The following CDH12 variants were observed in gnomAD, a reference collection of about 807,000 sequenced individuals.
The protein encoded by CDH12 is cadherin-12.
Under a neutral mutation model 74.1 loss-of-function variants are expected in CDH12, and 41 were observed. The observed-to-expected ratio is 0.55, with a 90% CI of 0.43 to 0.72. CDH12 has a LOEUF of 0.72. CDH12 is among the 30% of genes least tolerant of loss of function. The probability of loss-of-function intolerance (pLI) is 0.00; values close to 1 mark genes in which losing one functional copy is unlikely to be tolerated. For synonymous variants in CDH12, 399 were observed against 355.0 expected, an observed-to-expected ratio of 1.12 and a Z score of -1.39; for missense variants, 945 against 977.2, an observed-to-expected ratio of 0.97 and a Z score of 0.44.
intron 3 of CDH12, among the ~76,000 whole-genome samples, chr5:22,250,411 A>G (rs1160434493): frequency 6.6e-6 from 1 of 152,104 alleles, no homozygotes; most frequent in Non-Finnish European, 1.5e-5. Context: ...CTGGGACCTC[A>G]GCTGGGGCTG....
intron 1 of CDH12, among the ~76,000 whole-genome samples, chr5:22,678,500 T>C (rs1741328862): frequency 6.6e-6 from 1 of 152,178 alleles, no homozygotes; most frequent in Admixed American, 6.6e-5. Context: ...TGGTATATAA[T>C]GAGAGCATTG....
chr5:22,122,457 G>A (rs1461710290), intron 4 of CDH12, among the ~76,000 whole-genome samples: 1 of 151,984 alleles, frequency 6.6e-6, no homozygotes, highest in Non-Finnish European at 1.5e-5. Context: ...TGGCTTATAA[G>A]GCCCCACAAG....
intron 3 of CDH12, among the ~76,000 whole-genome samples, chr5:22,356,972 T>A (rs948630977): frequency 6.6e-6 from 1 of 152,172 alleles, no homozygotes; most frequent in African/African-American, 2.4e-5. Context: ...ATTAGAAGAC[T>A]GGTTGAATGG....
At chr5:22,191,436 GATAAATGGTGTC>G (rs1277859071) in intron 4 of CDH12, among the ~76,000 whole-genome samples, 2 of 151,826 alleles carry the variant, frequency 1.3e-5, no homozygotes, top group Non-Finnish European at 2.9e-5. Context: ...ATTAATGAAT[GATAAATGGTGTC>G]ATATTGAAAA....
intron 6 of CDH12, among the ~76,000 whole-genome samples, chr5:21,926,224 G>A (rs143181803): frequency 4.7e-4 from 72 of 152,298 alleles, no homozygotes; most frequent in Middle Eastern, 3.4e-3. Context: ...CTGACCTTGG[G>A]ATAGTGTTGC....
intron 7 of CDH12, among the ~76,000 whole-genome samples, chr5:21,843,916 G>A (rs932028675): frequency 1.3e-5 from 2 of 152,170 alleles, no homozygotes; most frequent in Middle Eastern, 3.4e-3. Context: ...GTCTTGTCCT[G>A]TTGTTGACCG....
chr5:22,163,536 C>T (rs1002345214), intron 4 of CDH12, among the ~76,000 whole-genome samples: 1 of 152,146 alleles, frequency 6.6e-6, no homozygotes, highest in Admixed American at 6.5e-5. Flanking sequence ...TTAAGTTGTT[C>T]TTGATTTTCT....
chr5:21,847,208 C>T (rs1750221245), intron 7 of CDH12, among the ~76,000 whole-genome samples: 1 of 152,132 alleles, frequency 6.6e-6, no homozygotes, highest in Admixed American at 6.6e-5. Flanking sequence ...TGCAGCCTTG[C>T]ACACTGTCTT....
rs544504127 is a variant in CDH12 at position 22,800,081 on chromosome 5, G to T, written c.-523+52977C>A. On this transcript the variant is annotated intron_variant, in intron 1 of 14. Coordinates refer to ENST00000382254, the MANE Select transcript of CDH12 (RefSeq NM_004061.5). ...AAAATGGTTTAGTAGCCACTGAGGA[G>T]GTAGTAGTTAATTCAACTGAGAGTA... 6.6e-5 allele frequency among the ~76,000 whole-genome samples: 10 copies of T among 152,274 alleles called. No individual in the cohort carries two copies. In the South Asian group the frequency reaches 2.1e-3, roughly 32 times the overall value.
intron 4 of CDH12, among the ~76,000 whole-genome samples, chr5:22,137,817 C>T (rs1191795638): frequency 1.3e-5 from 2 of 152,060 alleles, no homozygotes; most frequent in African/African-American, 4.8e-5. Context: ...CATGGACCAG[C>T]AATAAACTGT....
chr5:21,859,958 G>A (rs1750947484), intron 6 of CDH12, among the ~76,000 whole-genome samples: 1 of 151,816 alleles, frequency 6.6e-6, no homozygotes, highest in Non-Finnish European at 1.5e-5. Flanking sequence ...ACCCAATCCA[G>A]GCAGACACAA....
chr5:22,226,255 A>G (rs1442949961), intron 3 of CDH12, among the ~76,000 whole-genome samples: 1 of 152,000 alleles, frequency 6.6e-6, no homozygotes, highest in Non-Finnish European at 1.5e-5. Context: ...CCCTTGGATG[A>G]CAGCAAAGGA....
intron 1 of CDH12, among the ~76,000 whole-genome samples, chr5:22,723,757 G>A (rs866458184): frequency 6.6e-6 from 1 of 151,936 alleles, no homozygotes. Flanking sequence ...AGGAGAAGGA[G>A]GTAACTTAAT....
chr5:22,036,190 T>A (rs918268230), intron 5 of CDH12, among the ~76,000 whole-genome samples: 1 of 152,190 alleles, frequency 6.6e-6, no homozygotes, highest in Non-Finnish European at 1.5e-5. Flanking sequence ...GAGGAACATA[T>A]CAATTTTTTT....
At chr5:21,943,435 T>C (rs1345578884) in intron 6 of CDH12, among the ~76,000 whole-genome samples, 3 of 152,186 alleles carry the variant, frequency 2.0e-5, no homozygotes, top group Admixed American at 6.5e-5. Context: ...ATGGAATAAG[T>C]ATTTTGTAGG....
At position 21,790,194 on chromosome 5, in the gene CDH12, T is replaced by C. The variant is rs150510015; in HGVS notation, c.1257-6700A>G. ...CATATGTTATAATTTAACAAATTGA[T>C]TCAAACAGAAGTCTAACTTCATACA... On this transcript the variant is annotated intron_variant, in intron 10 of 14. Coordinates refer to ENST00000382254, the MANE Select transcript of CDH12 (RefSeq NM_004061.5). 4.3e-3 allele frequency among the ~76,000 whole-genome samples: 650 copies of C among 152,242 alleles called. 5 individuals are homozygous for C. The highest frequency in any genetic ancestry group is 0.015 in the African/African-American group (624 of 41,556).
intron 5 of CDH12, among the ~76,000 whole-genome samples, chr5:21,986,815 C>A (rs927836387): frequency 3.3e-5 from 5 of 152,156 alleles, no homozygotes; most frequent in South Asian, 2.1e-4. Context: ...GTTAGCATTT[C>A]ATTATTTCCA....
intron 6 of CDH12, among the ~76,000 whole-genome samples, chr5:21,956,594 A>G (rs1162332244): frequency 2.0e-5 from 3 of 151,962 alleles, no homozygotes; most frequent in Non-Finnish European, 4.4e-5. Context: ...AAAATACTTT[A>G]TGGTTATTTT....
intron 4 of CDH12, among the ~76,000 whole-genome samples, chr5:22,124,057 T>C (rs1336855467): frequency 4.6e-5 from 7 of 152,006 alleles, no homozygotes. Context: ...AACCTCAGCC[T>C]CCCAGGATCA....
Sources: allele counts gnomAD v4.1 joint callset (sites outside exome capture counted in the v4.1 genomes callset), GRCh38; gene constraint gnomAD v4.1.1; transcripts MANE v1.5; gene names NCBI Gene and HGNC (gene_info 2026-07-23, HGNC 2026-07-21).